The following TYW1 variants were observed in gnomAD, a reference collection of about 807,000 sequenced individuals.
TYW1 encodes tRNA-yW synthesizing protein 1 homolog, also known as S-adenosyl-L-methionine-dependent tRNA 4-demethylwyosine synthase TYW1.
In TYW1, 46 loss-of-function variants were observed where a neutral mutation model predicts 96.2. That is an observed-to-expected ratio of 0.48 (90% confidence interval 0.38 to 0.61). TYW1 has a LOEUF of 0.61. Ranked by LOEUF, TYW1 falls within the 20% of genes least tolerant of loss-of-function variation. The probability of loss-of-function intolerance (pLI) is 0.00; values close to 1 mark genes in which losing one functional copy is unlikely to be tolerated. For missense variants in TYW1, 684 were observed against 909.6 expected (o/e 0.75, Z 3.19); for synonymous variants, 274 against 323.0 (o/e 0.85, Z 1.63).
chr7:67,113,994 C>T (rs1797511526), intron 12 of TYW1, among the ~76,000 whole-genome samples: 1 of 152,132 alleles, frequency 6.6e-6, no homozygotes, highest in Admixed American at 6.6e-5. Flanking sequence ...TGAACCTCAG[C>T]TTCATCGTCT....
intron 7 of TYW1, among the ~76,000 whole-genome samples, chr7:67,044,759 A>G (rs1030472490): frequency 6.6e-6 from 1 of 151,948 alleles, no homozygotes; most frequent in African/African-American, 2.4e-5. Flanking sequence ...AGCTGAAATT[A>G]TAGGCCTTTG....
At chr7:67,102,181 A>G (rs770233603) in intron 12 of TYW1, among the ~76,000 whole-genome samples, 2 of 152,200 alleles carry the variant, frequency 1.3e-5, no homozygotes, top group Non-Finnish European at 2.9e-5. Flanking sequence ...ACCAGAGAAG[A>G]TGTTTCATTG....
intron 13 of TYW1, among the ~76,000 whole-genome samples, chr7:67,123,647 G>A (rs1344622824): frequency 6.6e-6 from 1 of 152,152 alleles, no homozygotes; most frequent in Non-Finnish European, 1.5e-5. Flanking sequence ...TTAAAGGCAA[G>A]TAAGCAGATG....
chr7:67,000,863 T>A (rs1201137358), intron 3 of TYW1, among the ~76,000 whole-genome samples: 2 of 152,124 alleles, frequency 1.3e-5, no homozygotes, highest in Non-Finnish European at 1.5e-5. Flanking sequence ...ACTGCCCTCT[T>A]GTGGAAGTTG....
chr7:67,214,977 T>G (rs1482949796), intron 15 of TYW1, among the ~76,000 whole-genome samples: 1 of 150,674 alleles, frequency 6.6e-6, no homozygotes, highest in Non-Finnish European at 1.5e-5. Flanking sequence ...TGTAGTATCT[T>G]TATCTCATTT....
intron 7 of TYW1, among the ~76,000 whole-genome samples, chr7:67,040,438 T>C (rs1794982038): frequency 6.6e-6 from 1 of 152,064 alleles, no homozygotes; most frequent in Admixed American, 6.6e-5. Context: ...TGTAATGTTA[T>C]GACTCTTAAT....
chr7:67,091,281 GGAAAC>G (rs1796709185), intron 11 of TYW1, among the ~76,000 whole-genome samples: 1 of 151,508 alleles, frequency 6.6e-6, no homozygotes, highest in Non-Finnish European at 1.5e-5. Flanking sequence ...GGATGAAGCT[GGAAAC>G]CATCATTCTG....
intron 10 of TYW1, among the ~76,000 whole-genome samples, chr7:67,072,934 G>GTTTTTTTTTT (rs529812538): frequency 5.6e-5 from 4 of 71,262 alleles, no homozygotes; most frequent in South Asian, 5.6e-4. Flanking sequence ...TGCCTATCCA[G>GTTTTTTTTTT]TTTTTTTTTT....
intron 7 of TYW1, among the ~76,000 whole-genome samples, chr7:67,046,417 A>C (rs1369476067): frequency 1.3e-5 from 2 of 152,138 alleles, no homozygotes; most frequent in Admixed American, 6.6e-5. Context: ...ACTACACATA[A>C]TTGAACCAGA....
At chr7:67,206,632 T>C (rs1159223333) in intron 15 of TYW1, among the ~76,000 whole-genome samples, 1 of 123,402 alleles carries the variant, frequency 8.1e-6, no homozygotes, top group Non-Finnish European at 1.8e-5. Context: ...CATAAATAAA[T>C]AAATAAATAA....
intron 7 of TYW1, among the ~76,000 whole-genome samples, chr7:67,026,247 ATT>A (rs1486136999): frequency 6.6e-6 from 1 of 151,904 alleles, no homozygotes; most frequent in Non-Finnish European, 1.5e-5. Context: ...TAATTTTTGT[ATT>A]TTTAGTAGAG....
chr7:67,141,971 G>A (rs1011446773), intron 13 of TYW1, among the ~76,000 whole-genome samples: 1 of 152,198 alleles, frequency 6.6e-6, no homozygotes, highest in Non-Finnish European at 1.5e-5. Context: ...GGAGGTGGAG[G>A]TTGCAGTGAG....
chr7:67,065,397 TAATC>T (rs746692911), intron 9 of TYW1, among the ~76,000 whole-genome samples: 1 of 152,224 alleles, frequency 6.6e-6, no homozygotes, highest in Non-Finnish European at 1.5e-5. Context: ...ATTAACTTCT[TAATC>T]AATAGTGATT....
intron 9 of TYW1, among the ~76,000 whole-genome samples, chr7:67,062,900 A>G (rs1198507198): frequency 3.3e-5 from 5 of 152,234 alleles, no homozygotes; most frequent in African/African-American, 9.6e-5. Context: ...GTTTTACTTA[A>G]TATCTTCCCC....
intron 4 of TYW1, among the ~76,000 whole-genome samples, chr7:67,011,097 G>T (rs1273762346): frequency 6.6e-6 from 1 of 152,114 alleles, no homozygotes; most frequent in African/African-American, 2.4e-5. Flanking sequence ...GAGTGCAGTG[G>T]TATGATCTTG....
chr7:67,016,994 T>C lies in TYW1; in HGVS notation c.571-859T>C, dbSNP rs1794047284. Among the ~76,000 whole-genome samples the C allele has an allele frequency of 2.0e-5, 3 of 150,074 alleles. No homozygotes were observed. In the South Asian group the frequency reaches 6.3e-4, roughly 32 times the overall value. On this transcript the variant is annotated intron_variant, in intron 5 of 15. Transcript: ENST00000359626. ...CAGATATGTAAATTTTTTTTTTTTT[T>C]TTTTTTTTGAGACAGAGTCACTCTC... is the stretch of plus-strand genomic sequence containing the variant.
chr7:67,159,086 T>C (rs1163073568), intron 13 of TYW1, among the ~76,000 whole-genome samples: 1 of 152,230 alleles, frequency 6.6e-6, no homozygotes, highest in East Asian at 1.9e-4. Context: ...TGCTCTTGTT[T>C]TTCTACTTTC....
intron 12 of TYW1, among the ~76,000 whole-genome samples, chr7:67,105,203 G>A (rs1797198738): frequency 6.6e-6 from 1 of 152,244 alleles, no homozygotes; most frequent in Non-Finnish European, 1.5e-5. Flanking sequence ...AAGGCACTCA[G>A]ATCTACAGGG....
chr7:67,113,787 G>T (rs768057186), intron 12 of TYW1, among the ~76,000 whole-genome samples: 2 of 151,776 alleles, frequency 1.3e-5, no homozygotes, highest in African/African-American at 2.4e-5. Context: ...ACAGGCGTGC[G>T]CCACCATGCC....
Sources: gnomAD v4.1 joint callset for allele counts (sites outside exome capture counted in the v4.1 genomes callset) on GRCh38, gnomAD v4.1.1 for gene constraint, MANE v1.5 for transcripts, NCBI Gene and HGNC (gene_info 2026-07-23, HGNC 2026-07-21) for gene names.